PCDHA7: variants seen among roughly 807,000 people sequenced by gnomAD.
PCDHA7 encodes the protein protocadherin alpha 7.
Under a neutral mutation model 57.2 loss-of-function variants are expected in PCDHA7, and 37 were observed. The ratio of observed to expected loss-of-function variants is 0.65; its 90% CI spans 0.50 to 0.85. The LOEUF (loss-of-function observed/expected upper bound fraction) is 0.85, where lower values mean the gene tolerates loss of function less well. PCDHA7 is among the 40% of genes least tolerant of loss of function. The pLI is 0.00. For missense variants in PCDHA7, 1,188 were observed against 1,241.8 expected, an observed-to-expected ratio of 0.96 and a Z score of 0.65; for synonymous variants, 553 against 558.8, an observed-to-expected ratio of 0.99 and a Z score of 0.15.
chr5:141,001,910 C>T (rs1365182561), intron 3 of PCDHA7, among the ~76,000 whole-genome samples: 1 of 152,196 alleles, frequency 6.6e-6, no homozygotes, highest in Non-Finnish European at 1.5e-5. Flanking sequence ...TTGAAAAAGA[C>T]TGCAGTGGCT....
rs1002607780 is a variant in PCDHA7 at position 141,011,898 on chromosome 5, T to G, written c.*1961T>G. 1.8e-4 allele frequency: 27 copies of G among 148,586 alleles called. 1 individual carries two copies. Among genetic ancestry groups the G allele is most frequent in the Admixed American group, 1.5e-3 (23 of 15,026 alleles). The allele number at this position is 148,586 out of a possible 1,614,324, so 9.2% of individuals were successfully genotyped here. On this transcript the variant is annotated 3_prime_UTR_variant, in exon 4 of 4. Coordinates refer to ENST00000525929, the MANE Select transcript of PCDHA7 (RefSeq NM_018910.3). ...TAGAAGTTTGATTAATTATATTATC[T>G]ATTTAGGCATTAATATAAAAGAGGT...
At chr5:140,947,436 G>C (rs269551) in intron 1 of PCDHA7, among the ~76,000 whole-genome samples, 37,364 of 151,424 alleles carry the variant, frequency 0.25, 5,790 homozygotes, top group African/African-American at 0.44. Flanking sequence ...TTGAAAATCA[G>C]CTGTGAAATC....
chr5:140,862,537 C>G (rs56017024), intron 1 of PCDHA7: 1 of 440,558 alleles, frequency 2.3e-6, no homozygotes, highest in Non-Finnish European at 4.6e-6. Context: ...CCATCGGGTC[C>G]GTGGAAGTGG....
chr5:140,836,310 C>T lies in PCDHA7; in HGVS notation c.1927C>T (p.Pro643Ser). 1 of 1,613,714 alleles carries T rather than the reference C, an allele frequency of 6.2e-7. No individual in the cohort carries two copies. The change falls in exon 1 of 4, where the codon CCG becomes TCG. Residue 643 changes from proline (P) to serine (S), a missense_variant. Coordinates refer to ENST00000525929, the MANE Select transcript of PCDHA7 (RefSeq NM_018910.3). Reference sequence around the variant, plus strand: ...ACGAGCCCTAGATGAGACGGACGCACCGCGCCACCGCCTTCTGGTGCTTGT... The same window carrying T: ...ACGAGCCCTAGATGAGACGGACGCATCGCGCCACCGCCTTCTGGTGCTTGT... ...TTRALDETDAPRHRLLVLVKD... is the reference protein window; with the variant it reads ...TTRALDETDASRHRLLVLVKD...
intron 3 of PCDHA7, among the ~76,000 whole-genome samples, chr5:140,985,683 G>T (rs926848363): frequency 3.3e-5 from 5 of 151,148 alleles, no homozygotes; most frequent in Admixed American, 6.6e-5. Flanking sequence ...CCTGCCTTAC[G>T]CTAATCCTCG....
chr5:140,896,594 C>G (rs1583238277), intron 1 of PCDHA7, among the ~76,000 whole-genome samples: 1 of 150,950 alleles, frequency 6.6e-6, no homozygotes, highest in Non-Finnish European at 1.5e-5. Flanking sequence ...CCAGGCTGGT[C>G]TCGAACTCCT....
In PCDHA7 at chr5:140,883,030, C is replaced by G. The variant is rs1554176556; in HGVS notation, c.2355+46292C>G. ...TTTATAAAGTGACGGTGTTAGAGAA[C>G]GCCTTCAATGGAACATTAGTGATCA... On this transcript the variant is annotated intron_variant, in intron 1 of 3. Coordinates refer to ENST00000525929, the MANE Select transcript of PCDHA7 (RefSeq NM_018910.3). 1 of 1,613,940 alleles carries G rather than the reference C, an allele frequency of 6.2e-7. No individual in the cohort carries two copies. Among genetic ancestry groups the G allele is most frequent in the Non-Finnish European group, 8.5e-7 (1 of 1,180,036 alleles).
chr5:140,984,964 G>C (rs930753325), intron 3 of PCDHA7, among the ~76,000 whole-genome samples: 1 of 151,818 alleles, frequency 6.6e-6, no homozygotes, highest in Non-Finnish European at 1.5e-5. Context: ...TTGAGACAGA[G>C]TCTCGCTCTG....
intron 1 of PCDHA7, among the ~76,000 whole-genome samples, chr5:140,964,480 C>T (rs2095835890): frequency 6.6e-6 from 1 of 152,122 alleles, no homozygotes; most frequent in Non-Finnish European, 1.5e-5. Flanking sequence ...GATTTTTTCA[C>T]AGTCACAGGT....
intron 1 of PCDHA7, among the ~76,000 whole-genome samples, chr5:140,936,016 C>T (rs1170221921): frequency 6.6e-6 from 1 of 151,732 alleles, no homozygotes; most frequent in Non-Finnish European, 1.5e-5. Context: ...CCTCAGCCTC[C>T]CGAGTAGCGG....
Position 140,835,828 on chromosome 5 carries a change from C to T in PCDHA7, c.1445C>T (p.Ala482Val), listed in dbSNP as rs2150246076. ...CHIFTVSAGD[A>V]DAQKNALVSY... ...ATCTTCACTGTGTCGGCGGGGGACG[C>T]GGACGCGCAGAAGAACGCGCTGGTG... The change falls in exon 1 of 4, where the codon GCG becomes GTG. Residue 482 changes from alanine (A) to valine (V), a missense_variant. Around this residue, in one of 3 missense-constraint regions of PCDHA7, gnomAD observed 892 missense variants for 788.5 expected, o/e 1.13. Coordinates refer to ENST00000525929, the MANE Select transcript of PCDHA7 (RefSeq NM_018910.3). 1.2e-6 allele frequency: 2 copies of T among 1,612,490 alleles called. No individual in the cohort carries two copies. Among genetic ancestry groups the T allele is most frequent in the South Asian group, 1.1e-5 (1 of 91,022 alleles).
At position 140,927,603 on chromosome 5, in the gene PCDHA7, A is replaced by G. The variant is rs538616533; in HGVS notation, c.2356-51346A>G. On this transcript the variant is annotated intron_variant, in intron 1 of 3. Coordinates refer to ENST00000525929, the MANE Select transcript of PCDHA7 (RefSeq NM_018910.3). ...ACGCGCCTGTATTTGAGCGCTCCGT[A>G]TACCGCACCAAGGTTCCAGAGACTG... 8.1e-6 allele frequency: 13 copies of G among 1,614,190 alleles called. No homozygotes were observed. In the Admixed American group the frequency reaches 1.2e-4, roughly 14 times the overall value.
intron 1 of PCDHA7, chr5:140,875,760 C>A (rs781811926): frequency 1.2e-6 from 2 of 1,614,200 alleles, no homozygotes; most frequent in Non-Finnish European, 1.7e-6. Flanking sequence ...AGAAGCTGTG[C>A]GGGCGGAGCG....
intron 1 of PCDHA7, chr5:140,928,951 G>C (rs2032668535): frequency 6.2e-7 from 1 of 1,614,028 alleles, no homozygotes; most frequent in Non-Finnish European, 8.5e-7. Flanking sequence ...TTTAGTAATT[G>C]CCTTGGCTTG....
chr5:141,010,016 CT>C lies in PCDHA7; in HGVS notation c.*84del. 1 of 1,572,200 alleles carries C rather than the reference CT, an allele frequency of 6.4e-7. No homozygotes were observed. The highest frequency in any genetic ancestry group is 8.6e-7 in the Non-Finnish European group (1 of 1,163,240). On this transcript the variant is annotated 3_prime_UTR_variant, in exon 4 of 4. Transcript: ENST00000525929. Reference sequence around the variant, plus strand: ...TCTCCCATGTAGCAATTCCCTGCTCCTTTTTCCTATCTACATGAGCCCTCTT... The same window carrying C: ...TCTCCCATGTAGCAATTCCCTGCTCCTTTTCCTATCTACATGAGCCCTCTT...
rs2150401369 is a variant in PCDHA7, at chr5:140,847,510, G to A, written c.2355+10772G>A. On this transcript the variant is annotated intron_variant, in intron 1 of 3. Transcript: ENST00000525929. The stretch of plus-strand genomic sequence containing the variant: ...GTAAAACTCACAACAAAACTTTGTA[G>A]AACTTAGTCAGGAAAAGAATCTCAA... The A allele has an allele frequency of 4.2e-4, 63 of 149,756 alleles. 2 individuals carry two copies. Among genetic ancestry groups the A allele is most frequent in the African/African-American group, 1.5e-3 (63 of 41,018 alleles). The allele number at this position is 149,756 out of a possible 1,614,324, so 9.3% of individuals were successfully genotyped here.
intron 3 of PCDHA7, among the ~76,000 whole-genome samples, chr5:141,008,010 T>C (rs2098356270): frequency 6.6e-6 from 1 of 152,214 alleles, no homozygotes; most frequent in African/African-American, 2.4e-5. Context: ...TAAACTTCTG[T>C]TTCCTTTTTT....
chr5:140,941,201 TCC>T lies in PCDHA7; in HGVS notation c.2356-37747_2356-37746del, dbSNP rs1554213890. On this transcript the variant is annotated intron_variant, in intron 1 of 3. Coordinates refer to ENST00000525929, the MANE Select transcript of PCDHA7 (RefSeq NM_018910.3). The stretch of plus-strand genomic sequence containing the variant: ...ATCCTGCTTCTTTTTTTTTCTTTCT[TCC>T]TTTCTTTCTTCCTTTCTTTCTTTCT... 4.9e-3 allele frequency among the ~76,000 whole-genome samples: 512 copies of T among 103,578 alleles called. 4 individuals are homozygous for T. The highest frequency in any genetic ancestry group is 7.0e-3 in the African/African-American group (178 of 25,432). 68.0% of individuals were successfully genotyped at this position (103,578 alleles called of 152,430 possible). A position where few individuals can be genotyped will look rare whatever the true frequency, so the allele number is the denominator to read the frequency against.
chr5:140,905,918 T>G (rs536445399), intron 1 of PCDHA7, among the ~76,000 whole-genome samples: 1 of 152,280 alleles, frequency 6.6e-6, no homozygotes, highest in Non-Finnish European at 1.5e-5. Context: ...GAATCCAATC[T>G]GAGTCCCAAA....
Sources: allele counts gnomAD v4.1 joint callset (sites outside exome capture counted in the v4.1 genomes callset), GRCh38; gene constraint gnomAD v4.1.1; regional missense constraint gnomAD v4.1.1; transcripts MANE v1.5; gene names NCBI Gene and HGNC (gene_info 2026-07-23, HGNC 2026-07-21).